DNAH10: variants seen among roughly 807,000 people sequenced by gnomAD.
DNAH10 encodes dynein axonemal heavy chain 10, also known as axonemal beta dynein heavy chain 10.
In DNAH10, 348 loss-of-function variants were observed where a neutral mutation model predicts 506.6. The observed-to-expected ratio is 0.69, with a 90% CI of 0.63 to 0.75. DNAH10 has a LOEUF of 0.75. Among genes scored for constraint, DNAH10 ranks in the 30% least tolerant of loss-of-function variants. The pLI, the probability that DNAH10 is intolerant of heterozygous loss-of-function variation, is 0.00. For missense variants in DNAH10, 5,179 were observed against 5,787.1 expected (o/e 0.89, Z 3.41); for synonymous variants, 2,059 against 2,198.6 (o/e 0.94, Z 1.78).
Position 123,916,537 on chromosome 12 carries a change from TGTTGATGAATA to T in DNAH10, c.10804_10814del (p.Val3602HisfsTer6). The T allele has an allele frequency of 1.2e-6, 2 of 1,613,930 alleles. No homozygotes were observed. The highest frequency in any genetic ancestry group is 1.7e-6 in the Non-Finnish European group (2 of 1,179,874). ...ACGGGACCCCTTTCCTGTTCCGCGA[TGTTGATGAATA>T]CATCGATCCTGTGATTGACAACGTC... On this transcript the variant is annotated frameshift_variant, in exon 63 of 79. Transcript: ENST00000673944. LOFTEE classifies it high-confidence loss of function. This position sits in a 1 kb window ranked among gnomAD's most constrained non-coding sequence, Gnocchi z 4.6.
Position 123,893,360 on chromosome 12 carries a change from T to C in DNAH10, c.9123T>C (p.Ser3041=). 1.2e-6 allele frequency: 2 copies of C among 1,613,894 alleles called. No individual in the cohort carries two copies. Among genetic ancestry groups the C allele is most frequent in the Non-Finnish European group, 1.7e-6 (2 of 1,179,884 alleles). The part of the protein sequence containing the change: ...ESVWQYFVNK[S]ANNLHIVLGM... ...TGTGGCAGTACTTCGTGAACAAAAG[T>C]GCAAATAACCTGCACATTGTCCTGG... The change falls in exon 53 of 79, where the codon AGT becomes AGC. Residue 3041 remains serine (S), a synonymous_variant. Transcript: ENST00000673944.
At chr12:123,766,122 C>A (rs1957039267) in intron 1 of DNAH10, among the ~76,000 whole-genome samples, 1 of 151,680 alleles carries the variant, frequency 6.6e-6, no homozygotes, top group African/African-American at 2.4e-5. Context: ...GTCTATCTAT[C>A]TATACATCTA....
rs997094952 is a variant in DNAH10, at chr12:123,808,634, A to G, written c.2988-163A>G. Among the ~76,000 whole-genome samples the G allele has an allele frequency of 4.3e-4, 65 of 152,352 alleles. 1 individual carries two copies. Among genetic ancestry groups the G allele is most frequent in the Middle Eastern group, 6.8e-3 (2 of 294 alleles). On this transcript the variant is annotated intron_variant, in intron 18 of 78. Coordinates refer to ENST00000673944, the MANE Select transcript of DNAH10 (RefSeq NM_001372106.1). ...GTTTGTATAAATTTAGTGCAAAAAA[A>G]GAGTATTTTAAGTAAGACTCACCCC...
intron 21 of DNAH10, among the ~76,000 whole-genome samples, chr12:123,814,609 A>ATTT (rs1214217837): frequency 8.6e-4 from 104 of 121,184 alleles, no homozygotes; most frequent in Middle Eastern, 4.7e-3. Context: ...GGCCAGGTAG[A>ATTT]TTTTTTTTTT....
chr12:123,813,964 C>T (rs372548243), intron 21 of DNAH10, 52 bp downstream of exon 21: 79 of 1,492,204 alleles, frequency 5.3e-5, no homozygotes, highest in Non-Finnish European at 6.0e-5. Context: ...TGACCACTAA[C>T]GACCCTTTTC....
chr12:123,867,393 A>G, intron 41 of DNAH10, 74 bp from the exon 42 acceptor site: 1 of 1,514,784 alleles, frequency 6.6e-7, no homozygotes, highest in Non-Finnish European at 8.9e-7. Flanking sequence ...CTCTTTGGGC[A>G]AGAAAAGCTT....
At chr12:123,820,253 G>A (rs1204338312) in intron 23 of DNAH10, among the ~76,000 whole-genome samples, 1 of 152,160 alleles carries the variant, frequency 6.6e-6, no homozygotes, top group Non-Finnish European at 1.5e-5. Context: ...TGGTAAGGGA[G>A]TTATCAGTAG....
In DNAH10 at chr12:123,925,570, T is replaced by C. The variant is rs1954907296; in HGVS notation, c.11921+366T>C. On this transcript the variant is annotated intron_variant, in intron 68 of 78. Coordinates refer to ENST00000673944, the MANE Select transcript of DNAH10 (RefSeq NM_001372106.1). The surrounding 1 kb of genome is among the most constrained non-coding windows in gnomAD (Gnocchi z 4.0). ...TTACATGCTTTTTTCTGGTATTAAG[T>C]CTACAAAATCCTGTGTGAATTCACA... 1 of 186,628 alleles carries C rather than the reference T, an allele frequency of 5.4e-6. No homozygotes were observed. The highest frequency in any genetic ancestry group is 1.3e-4 in the South Asian group (1 of 7,738). The allele number at this position is 186,628 out of a possible 1,614,324, so 11.6% of individuals were successfully genotyped here.
intron 70 of DNAH10, 190 bp from the exon 71 acceptor site, chr12:123,929,085 C>T (rs1184056118): frequency 2.4e-5 from 15 of 628,972 alleles, no homozygotes; most frequent in Non-Finnish European, 3.9e-5. Flanking sequence ...TGACCCTTGA[C>T]CCTGAGAGCC....
intron 51 of DNAH10, among the ~76,000 whole-genome samples, chr12:123,884,915 TC>T (rs1458189954): frequency 6.6e-6 from 1 of 152,238 alleles, no homozygotes; most frequent in African/African-American, 2.4e-5. Flanking sequence ...TGTATACTTT[TC>T]TTTTTTTAAA....
At chr12:123,816,320 C>A (rs1171962106) in intron 21 of DNAH10, among the ~76,000 whole-genome samples, 1 of 152,144 alleles carries the variant, frequency 6.6e-6, no homozygotes, top group African/African-American at 2.4e-5. Context: ...CTTTCAGGCG[C>A]CCATCTTTGC....
rs769361280 is a variant in DNAH10, at chr12:123,932,095, A to G, written c.13283A>G (p.Gln4428Arg). ...WMVYFLRRFS[Q>R]YMLWVTESEP... ...GTCTACTTCCTGCGGCGGTTCAGCC[A>G]GTACATGTTGTGGGTAAGTGGCACG... The change falls in exon 76 of 79, where the codon CAG (glutamine) becomes CGG (arginine). Residue 4428 changes from glutamine to arginine, a missense_variant. Physicochemically the swap from Gln to Arg is conservative, Grantham distance 43 (BLOSUM62 1). This residue lies in a region of DNAH10 where 4,844 missense variants were observed against 5,430.5 expected (regional missense o/e 0.89). Coordinates refer to ENST00000673944, the MANE Select transcript of DNAH10 (RefSeq NM_001372106.1). 2 of 1,613,726 alleles carry G rather than the reference A, an allele frequency of 1.2e-6. No homozygotes were observed. The highest frequency in any genetic ancestry group is 4.5e-5 in the East Asian group (2 of 44,884).
At chr12:123,915,484 G>C (rs975005733) in intron 62 of DNAH10, among the ~76,000 whole-genome samples, 3 of 152,050 alleles carry the variant, frequency 2.0e-5, no homozygotes, top group Non-Finnish European at 4.4e-5. Context: ...TATTATCCCT[G>C]GAAGAAATGC....
rs535815641 is a variant in DNAH10 at position 123,836,436 on chromosome 12, G to C, written c.4902+908G>C. 8.1e-4 allele frequency among the ~76,000 whole-genome samples: 123 copies of C among 152,342 alleles called. 1 individual carries two copies. Among genetic ancestry groups the C allele is most frequent in the Middle Eastern group, 3.4e-3 (1 of 294 alleles). ...TGCTTTTTCCATAGTTAGAGTGAAT[G>C]TCTTAAGATAGATTGTTAGAAAGCA... On this transcript the variant is annotated intron_variant, in intron 28 of 78. Transcript: ENST00000673944.
intron 46 of DNAH10, among the ~76,000 whole-genome samples, chr12:123,874,853 TTGTCTGTCCATC>T (rs911669197): frequency 2.6e-5 from 4 of 151,866 alleles, no homozygotes; most frequent in East Asian, 1.9e-4. Context: ...TGTTGAATTC[TTGTCTGTCCATC>T]TGTCTGTCCA....
In DNAH10 at chr12:123,935,404, G is replaced by A. The variant is rs535158767; in HGVS notation, c.13693G>A (p.Glu4565Lys). The stretch of plus-strand genomic sequence containing the variant: ...CGCCATGGGAGTCGGCTTGGTTTTT[G>A]AAGCTGATCTCTTTACCACGAGGCA... ...RNAMGVGLVF[E>K]ADLFTTRHIS... The change falls in exon 79 of 79, where the codon GAA becomes AAA. Residue 4565 changes from glutamate (E) to lysine (K), a missense_variant. Glu to Lys is a moderately conservative substitution (Grantham distance 56, BLOSUM62 1). Around this residue, in one of 3 missense-constraint regions of DNAH10, gnomAD observed 4,844 missense variants for 5,430.5 expected, o/e 0.89. Transcript: ENST00000673944. The A allele has an allele frequency of 6.2e-7, 1 of 1,611,928 alleles. No homozygotes were observed. The highest frequency in any genetic ancestry group is 1.1e-5 in the South Asian group (1 of 91,022).
intron 75 of DNAH10, 26 bp from the exon 76 acceptor site, chr12:123,931,915 G>T (rs1173497930): frequency 6.2e-7 from 1 of 1,613,750 alleles, no homozygotes; most frequent in South Asian, 1.1e-5. Flanking sequence ...ATAGAGTCCT[G>T]CCCGATTGCT....
chr12:123,842,418 T>C (rs1055732919), intron 30 of DNAH10, among the ~76,000 whole-genome samples: 2 of 152,248 alleles, frequency 1.3e-5, no homozygotes, highest in African/African-American at 2.4e-5. Flanking sequence ...CCTCTTTGGC[T>C]AACTTATTCT....
intron 72 of DNAH10, 86 bp from the exon 73 acceptor site, chr12:123,930,316 C>A: frequency 7.5e-7 from 1 of 1,336,798 alleles, no homozygotes; most frequent in Non-Finnish European, 9.8e-7. Flanking sequence ...GTCTCTTGAC[C>A]CTGGGTGAGC....
Sources: gnomAD v4.1 joint callset for allele counts (sites outside exome capture counted in the v4.1 genomes callset) on GRCh38, gnomAD v4.1.1 for gene constraint, gnomAD v4.1.1 regional missense constraint, Gnocchi (gnomAD v3.1) non-coding constraint, MANE v1.5 for transcripts, NCBI Gene and HGNC (gene_info 2026-07-23, HGNC 2026-07-21) for gene names.